The following DYSF variants were observed in gnomAD, a reference collection of about 807,000 sequenced individuals.
DYSF encodes the protein dystrophy-associated fer-1-like 1.
A neutral mutation model predicts 274.9 loss-of-function variants in DYSF; 212 were observed. The ratio of observed to expected loss-of-function variants is 0.77; its 90% confidence interval spans 0.69 to 0.86. The LOEUF (loss-of-function observed/expected upper bound fraction) is 0.86. Ranked by LOEUF, DYSF falls within the 40% of genes least tolerant of loss-of-function variation. The probability of loss-of-function intolerance (pLI) is 0.00; values close to 1 mark genes in which losing one functional copy is unlikely to be tolerated. For synonymous variants in DYSF, 1,091 were observed against 1,078.7 expected (o/e 1.01, Z -0.22); for missense variants, 2,666 against 2,783.2 (o/e 0.96, Z 0.95).
Position 71,541,417 on chromosome 2 carries a change from A to G in DYSF, c.1576+2178A>G, listed in dbSNP as rs530653132. On this transcript the variant is annotated intron_variant, in intron 17 of 55. Coordinates refer to ENST00000410020, the MANE Select transcript of DYSF (RefSeq NM_001130987.2). Reference sequence around the variant, plus strand: ...TTACGTTGAGGTATAATTTATTTACATAGTGTTGTACAGAGCAAATTTTTA... The same window carrying G: ...TTACGTTGAGGTATAATTTATTTACGTAGTGTTGTACAGAGCAAATTTTTA... Among the ~76,000 whole-genome samples, 3 of 152,284 alleles carry G rather than the reference A, an allele frequency of 2.0e-5. No homozygotes were observed. The East Asian group carries it at 5.8e-4, about 29-fold the overall frequency.
chr2:71,476,318 G>A (rs778357775), intron 1 of DYSF, among the ~76,000 whole-genome samples: 9 of 152,098 alleles, frequency 5.9e-5, no homozygotes, highest in Admixed American at 3.9e-4. Flanking sequence ...TTGGAAGGCC[G>A]AGGTGGGCAG....
chr2:71,631,583 C>T (rs1031777662), intron 41 of DYSF, among the ~76,000 whole-genome samples: 6 of 152,090 alleles, frequency 3.9e-5, no homozygotes, highest in Non-Finnish European at 7.4e-5. Flanking sequence ...AAATACAAAT[C>T]GCCCATCAAA....
At chr2:71,480,513 C>T (rs2082795248) in intron 1 of DYSF, among the ~76,000 whole-genome samples, 2 of 152,032 alleles carry the variant, frequency 1.3e-5, no homozygotes, top group South Asian at 4.2e-4. Flanking sequence ...ATGATCTCAC[C>T]ATCGCACTCC....
At chr2:71,668,545 C>T (rs923186432) in intron 48 of DYSF, among the ~76,000 whole-genome samples, 2 of 152,184 alleles carry the variant, frequency 1.3e-5, no homozygotes, top group African/African-American at 2.4e-5. Context: ...TGACCCTTGA[C>T]CCCCAGGCAC....
intron 33 of DYSF, among the ~76,000 whole-genome samples, chr2:71,599,388 G>A (rs755898714): frequency 1.3e-5 from 2 of 152,244 alleles, no homozygotes; most frequent in Non-Finnish European, 2.9e-5. Context: ...TCATTTTAAC[G>A]AAGTAAAATT....
At chr2:71,581,225 C>T (rs761573616) in intron 30 of DYSF, among the ~76,000 whole-genome samples, 2 of 152,214 alleles carry the variant, frequency 1.3e-5, no homozygotes, top group Non-Finnish European at 2.9e-5. Flanking sequence ...TACACGCTCG[C>T]GCCAGCCCAC....
chr2:71,562,224 C>T (rs990614954), intron 23 of DYSF, among the ~76,000 whole-genome samples: 2 of 152,170 alleles, frequency 1.3e-5, no homozygotes, highest in African/African-American at 2.4e-5. Flanking sequence ...ATGTCAGAGA[C>T]AGAGCTGGGA....
chr2:71,513,768 G>A lies in DYSF; in HGVS notation c.606G>A (p.Ala202=), dbSNP rs398123791. The A allele has an allele frequency of 7.4e-5, 119 of 1,614,152 alleles. No homozygotes were observed. In the South Asian group the frequency reaches 1.0e-3, roughly 14 times the overall value. The change falls in exon 7 of 56, where the codon GCG becomes GCA. Residue 202 remains alanine (A), a synonymous_variant. Coordinates refer to ENST00000410020, the MANE Select transcript of DYSF (RefSeq NM_001130987.2). The part of the protein sequence containing the change: ...TEDQGLTGDE[A]EPFLDQSGGP... ...ACCAGGGACTCACTGGAGATGAGGCGGAGCCATTCCTGGATCAAAGCGGAG... is the reference window on the plus strand; with the variant it reads ...ACCAGGGACTCACTGGAGATGAGGCAGAGCCATTCCTGGATCAAAGCGGAG...
At chr2:71,607,367 G>A (rs1400803530) in intron 36 of DYSF, among the ~76,000 whole-genome samples, 8 of 152,182 alleles carry the variant, frequency 5.3e-5, no homozygotes, top group African/African-American at 1.7e-4. Context: ...GGGTCATCAA[G>A]GGGAAATTTA....
intron 18 of DYSF, 80 bp downstream of exon 18, chr2:71,551,236 T>TGGAAGACCCTGCA: frequency 6.9e-7 from 1 of 1,454,426 alleles, no homozygotes; most frequent in South Asian, 1.1e-5. Context: ...ATGCAGGGTC[T>TGGAAGACCCTGCA]TCCAGCCCCT....
chr2:71,666,281 C>T (rs907624759), intron 47 of DYSF, among the ~76,000 whole-genome samples: 2 of 152,188 alleles, frequency 1.3e-5, no homozygotes, highest in Non-Finnish European at 1.5e-5. Context: ...TGGTGAGGTC[C>T]AACATCTGCC....
intron 32 of DYSF, among the ~76,000 whole-genome samples, chr2:71,591,275 A>C (rs2093256697): frequency 6.6e-6 from 1 of 152,184 alleles, no homozygotes; most frequent in African/African-American, 2.4e-5. Context: ...CCCCAAGCCA[A>C]GCTGTTTGCT....
intron 23 of DYSF, 129 bp from the exon 24 acceptor site, chr2:71,563,927 AGT>A: frequency 7.7e-7 from 1 of 1,292,816 alleles, no homozygotes; most frequent in Non-Finnish European, 1.1e-6. Flanking sequence ...CAGGGTGGAC[AGT>A]GTGTGGGATG....
chr2:71,590,318 G>A (rs780300962), intron 32 of DYSF, 30 bp downstream of exon 32: 2 of 1,612,600 alleles, frequency 1.2e-6, no homozygotes, highest in Non-Finnish European at 1.7e-6. Flanking sequence ...GAGAGTCAGA[G>A]ACTGTGGGCT....
chr2:71,533,650 G>C (rs1035552875), intron 14 of DYSF, among the ~76,000 whole-genome samples: 2 of 152,202 alleles, frequency 1.3e-5, no homozygotes, highest in African/African-American at 4.8e-5. Context: ...TCATAGGGCA[G>C]TGGGAACATG....
chr2:71,475,323 C>A (rs556663976), intron 1 of DYSF, among the ~76,000 whole-genome samples: 73 of 152,332 alleles, frequency 4.8e-4, no homozygotes, highest in African/African-American at 1.5e-3. Flanking sequence ...AGGACCCATT[C>A]ATTCAGCACC....
intron 14 of DYSF, among the ~76,000 whole-genome samples, chr2:71,532,215 C>T (rs1462141886): frequency 3.3e-5 from 5 of 152,174 alleles, no homozygotes; most frequent in Non-Finnish European, 5.9e-5. Context: ...AAATTTTCCT[C>T]TTTTATAAAC....
At chr2:71,654,102 G>A (rs1452414993) in intron 42 of DYSF, among the ~76,000 whole-genome samples, 1 of 152,116 alleles carries the variant, frequency 6.6e-6, no homozygotes, top group Non-Finnish European at 1.5e-5. Flanking sequence ...ATGTACAAAT[G>A]ACAAGGATGA....
chr2:71,500,099 C>T (rs2084821961), intron 3 of DYSF, among the ~76,000 whole-genome samples: 1 of 152,154 alleles, frequency 6.6e-6, no homozygotes, highest in Non-Finnish European at 1.5e-5. Context: ...CGGGTCTCCT[C>T]AAGGGCCCCA....
Sources: gnomAD v4.1 joint callset for allele counts (sites outside exome capture counted in the v4.1 genomes callset) on GRCh38, gnomAD v4.1.1 for gene constraint, MANE v1.5 for transcripts, NCBI Gene and HGNC (gene_info 2026-07-23, HGNC 2026-07-21) for gene names.